Variants in NOTCH2NLA observed in about 807,000 individuals in gnomAD.
NOTCH2NLA encodes the protein notch homolog 2 N-terminal-like protein A.
intron 2 of NOTCH2NLA, among the ~76,000 whole-genome samples, chr1:146,185,952 G>T (rs1470819312): frequency 1.5e-5 from 2 of 135,294 alleles, no homozygotes. Context: ...AAAAGGTAAG[G>T]TTGGTGAAAA....
chr1:146,195,050 C>CG lies in NOTCH2NLA; in HGVS notation c.-44-5670_-44-5669insC, dbSNP rs1553812303. On this transcript the variant is annotated intron_variant, in intron 1 of 4. Coordinates refer to ENST00000362074, the Ensembl canonical transcript of NOTCH2NLA. ...TCTGGTCCTCACAGGGCCACCCCCC[C>CG]CCATCCTTGTAACACTCATGACTCT... Among the ~76,000 whole-genome samples, 3 of 109,850 alleles carry CG rather than the reference C, an allele frequency of 2.7e-5. 1 individual carries two copies. 72.1% of individuals were successfully genotyped at this position (109,850 alleles called of 152,430 possible). A position where few individuals can be genotyped will look rare whatever the true frequency, so the allele number is the denominator to read the frequency against.
chr1:146,188,290 A>G (rs2746805), intron 2 of NOTCH2NLA, among the ~76,000 whole-genome samples: 1 of 122,240 alleles, frequency 8.2e-6, no homozygotes, highest in East Asian at 2.1e-4. Flanking sequence ...AAAATTTTCA[A>G]TTGAGGCAGA....
At chr1:146,158,195 T>C (rs1661260867) in intron 3 of NOTCH2NLA, among the ~76,000 whole-genome samples, 1 of 151,640 alleles carries the variant, frequency 6.6e-6, no homozygotes, top group Non-Finnish European at 1.5e-5. Flanking sequence ...CTTTAAGTTC[T>C]AGGGTACACG....
intron 2 of NOTCH2NLA, among the ~76,000 whole-genome samples, chr1:146,182,042 GC>G (rs1662557355): frequency 1.9e-5 from 2 of 103,180 alleles, no homozygotes; most frequent in African/African-American, 6.0e-5. Context: ...ACCAAACCTG[GC>G]CCATGTACAC....
intron 3 of NOTCH2NLA, among the ~76,000 whole-genome samples, chr1:146,158,618 A>G (rs1225547682): frequency 6.6e-6 from 1 of 151,658 alleles, no homozygotes; most frequent in Non-Finnish European, 1.5e-5. Context: ...TAGTGCCGCA[A>G]TAAACATACG....
intron 2 of NOTCH2NLA, among the ~76,000 whole-genome samples, chr1:146,182,389 A>G (rs1176741142): frequency 2.9e-5 from 4 of 137,658 alleles, no homozygotes; most frequent in Admixed American, 7.6e-5. Flanking sequence ...TAGCTTCCAT[A>G]TAGTCTCTCT....
rs1415748440 is a variant in NOTCH2NLA, at chr1:146,194,953, A to G, written c.-44-5572T>C. Reference sequence around the variant, plus strand: ...ACTGATTTCTGCCTTCCTCATTACTATCTAAATTCTACCCATTCCTTCAAG... The same window carrying G: ...ACTGATTTCTGCCTTCCTCATTACTGTCTAAATTCTACCCATTCCTTCAAG... On this transcript the variant is annotated intron_variant, in intron 1 of 4. Coordinates refer to ENST00000362074, the Ensembl canonical transcript of NOTCH2NLA. 2.7e-5 allele frequency among the ~76,000 whole-genome samples: 3 copies of G among 111,186 alleles called. 1 individual carries two copies. The Admixed American group carries it at 2.8e-4, about 10-fold the overall frequency. The allele number at this position is 111,186 out of a possible 152,430, so 72.9% of individuals were successfully genotyped here.
chr1:146,180,252 C>T (rs1235920717), intron 2 of NOTCH2NLA, among the ~76,000 whole-genome samples: 6 of 142,904 alleles, frequency 4.2e-5, no homozygotes, highest in African/African-American at 1.2e-4. Flanking sequence ...CTTATTAACA[C>T]CTACCTTTCT....
chr1:146,170,649 T>A lies in NOTCH2NLA; in HGVS notation c.39-5639A>T, dbSNP rs1451195349. Among the ~76,000 whole-genome samples, 2 of 104,284 alleles carry A rather than the reference T, an allele frequency of 1.9e-5. 1 individual carries two copies. The highest frequency in any genetic ancestry group is 3.7e-5 in the Non-Finnish European group (2 of 53,366). The allele number at this position is 104,284 out of a possible 152,430, so 68.4% of individuals were successfully genotyped here. ...CTGGAAATACTGAAGTCTACTAAAT[T>A]AAACACTTTAAAAGGGTAAATTTTA... On this transcript the variant is annotated intron_variant, in intron 2 of 4. Transcript: ENST00000362074.
At chr1:146,167,094 AGAGT>A (rs1231471574) in intron 2 of NOTCH2NLA, among the ~76,000 whole-genome samples, 1 of 111,262 alleles carries the variant, frequency 9.0e-6, no homozygotes, top group African/African-American at 3.4e-5. Context: ...CCTGGGCAAC[AGAGT>A]GAGATTCCAT....
At chr1:146,171,526 G>A (rs1331238772) in intron 2 of NOTCH2NLA, among the ~76,000 whole-genome samples, 2 of 114,998 alleles carry the variant, frequency 1.7e-5, no homozygotes, top group East Asian at 2.1e-4. Flanking sequence ...AGGCTATCCT[G>A]CCTCCCCATC....
intron 2 of NOTCH2NLA, among the ~76,000 whole-genome samples, chr1:146,173,096 G>A (rs1234577546): frequency 1.3e-5 from 2 of 150,584 alleles, no homozygotes; most frequent in Admixed American, 6.7e-5. Flanking sequence ...TAATAGCTAA[G>A]ACAGTCAGAA....
intron 2 of NOTCH2NLA, among the ~76,000 whole-genome samples, chr1:146,182,764 T>A (rs2641326): frequency 1.5e-5 from 2 of 129,422 alleles, no homozygotes; most frequent in African/African-American, 2.6e-5. Context: ...GAGAATGGCA[T>A]GAACCCGGGA....
intron 4 of NOTCH2NLA, among the ~76,000 whole-genome samples, chr1:146,150,244 C>CA (rs1286152190): frequency 1.2e-4 from 17 of 143,556 alleles, no homozygotes; most frequent in Non-Finnish European, 1.2e-4. Flanking sequence ...ATGTAAAATA[C>CA]AAACTTAGGT....
rs1384974321 is a variant in NOTCH2NLA at position 146,185,860 on chromosome 1, T to C, written c.38+3440A>G. ...GCATGCCTGATAGAATTTTTATAAA[T>C]CTTCTGTTTTAATATTTATTTTCTA... On this transcript the variant is annotated intron_variant, in intron 2 of 4. Transcript: ENST00000362074. Among the ~76,000 whole-genome samples, 3 of 136,778 alleles carry C rather than the reference T, an allele frequency of 2.2e-5. 1 individual carries two copies. The highest frequency in any genetic ancestry group is 5.1e-5 in the Non-Finnish European group (3 of 59,090). The allele number at this position is 136,778 out of a possible 152,430, so 89.7% of individuals were successfully genotyped here.
rs1662269331 is a variant in NOTCH2NLA at position 146,176,596 on chromosome 1, T to C, written c.39-11586A>G. ...GTTTCATCTCAAGCTCTCTCCTTTA[T>C]GCGCTATACTCTTGCTAAATGCCTT... On this transcript the variant is annotated intron_variant, in intron 2 of 4. Transcript: ENST00000362074. Among the ~76,000 whole-genome samples, 5 of 138,822 alleles carry C rather than the reference T, an allele frequency of 3.6e-5. No individual in the cohort carries two copies. The East Asian group carries it at 9.7e-4, about 27-fold the overall frequency. 91.1% of individuals were successfully genotyped at this position (138,822 alleles called of 152,430 possible).
intron 1 of NOTCH2NLA, among the ~76,000 whole-genome samples, chr1:146,223,984 T>C (rs1260839834): frequency 7.1e-6 from 1 of 141,332 alleles, no homozygotes; most frequent in Non-Finnish European, 1.6e-5. Context: ...AGCACAGACC[T>C]GGCCCTCAAG....
At position 146,182,547 on chromosome 1, in the gene NOTCH2NLA, A is replaced by T. The variant is rs1178543100; in HGVS notation, c.38+6753T>A. 8.7e-5 allele frequency among the ~76,000 whole-genome samples: 8 copies of T among 92,298 alleles called. No homozygotes were observed. In the South Asian group the frequency reaches 1.1e-3, roughly 12 times the overall value. 60.6% of individuals were successfully genotyped at this position (92,298 alleles called of 152,430 possible). A position where few individuals can be genotyped will look rare whatever the true frequency, so the allele number is the denominator to read the frequency against. ...ACTCAAACTTAAGTCTATCTGGCATAAAAAAACCTATGTCCTCAGCTGGGC... is the reference window on the plus strand; with the variant it reads ...ACTCAAACTTAAGTCTATCTGGCATTAAAAAACCTATGTCCTCAGCTGGGC... On this transcript the variant is annotated intron_variant, in intron 2 of 4. Transcript: ENST00000362074.
intron 1 of NOTCH2NLA, chr1:146,228,463 C>T (rs1175808138): frequency 2.3e-6 from 2 of 866,524 alleles, no homozygotes; most frequent in African/African-American, 3.9e-5. Flanking sequence ...TGTGAGGGGT[C>T]CCGGGCCGCG....
Sources: gnomAD v4.1 joint callset for allele counts (sites outside exome capture counted in the v4.1 genomes callset) on GRCh38, gnomAD v4.1.1 for gene constraint, MANE v1.5 for transcripts, NCBI Gene and HGNC (gene_info 2026-07-23, HGNC 2026-07-21) for gene names.